Variants in DNMT3A observed in about 807,000 individuals in gnomAD.
DNMT3A encodes DNA (cytosine-5)-methyltransferase 3A.
DNMT3A carries 267 observed loss-of-function variants against 117.6 expected under a neutral mutation model. That is an observed-to-expected ratio of 2.27 (90% confidence interval 2.05 to 2.51). The LOEUF (loss-of-function observed/expected upper bound fraction) is 2.51, where lower values mean the gene tolerates loss of function less well. Ranked by LOEUF, DNMT3A falls within the 30% of genes most tolerant of loss-of-function variation. The probability of loss-of-function intolerance (pLI) is 0.00; values close to 1 mark genes in which losing one functional copy is unlikely to be tolerated. For missense variants in DNMT3A, 1,029 were observed against 1,260.2 expected, an observed-to-expected ratio of 0.82 and a Z score of 2.78; for synonymous variants, 432 against 474.8, an observed-to-expected ratio of 0.91 and a Z score of 1.17.
In DNMT3A at chr2:25,296,450, C is replaced by G. The variant is rs1239565251; in HGVS notation, c.177+3689G>C. Among the ~76,000 whole-genome samples, 1 of 152,180 alleles carries G rather than the reference C, an allele frequency of 6.6e-6. No homozygotes were observed. Among genetic ancestry groups the G allele is most frequent in the South Asian group, 2.1e-4 (1 of 4,808 alleles). ...CAGGCATAGCAGGGAAAGGAGTGGT[C>G]AGATGGTGAGGGGCTGGAATTCAGA... On this transcript the variant is annotated intron_variant, in intron 3 of 22. Transcript: ENST00000321117. The surrounding 1 kb of genome is among the most constrained non-coding windows in gnomAD (Gnocchi z 4.2).
In DNMT3A at chr2:25,311,084, G is replaced by A. The variant is rs1181158892; in HGVS notation, c.72+2829C>T. 6.6e-6 allele frequency among the ~76,000 whole-genome samples: 1 copy of A among 151,588 alleles called. No individual in the cohort carries two copies. Among genetic ancestry groups the A allele is most frequent in the African/African-American group, 2.4e-5 (1 of 41,200 alleles). On this transcript the variant is annotated intron_variant, in intron 2 of 22. Transcript: ENST00000321117. This position sits in a 1 kb window ranked among gnomAD's most constrained non-coding sequence, Gnocchi z 5.2. ...AGACCTGGAGACTCCAGGAAGTATG[G>A]GAGTGGGGCTGGAGTGAAAGGTGCA... is the stretch of plus-strand genomic sequence containing the variant.
rs2032285409 is a variant in DNMT3A, at chr2:25,286,047, C to T, written c.178-3336G>A. On this transcript the variant is annotated intron_variant, in intron 3 of 22. Transcript: ENST00000321117. The surrounding 1 kb of genome is among the most constrained non-coding windows in gnomAD (Gnocchi z 4.3). Reference sequence around the variant, plus strand: ...CTTCCTTTCTTCTCATCATTTGCTGCCCTGCAGACACCTCAGATTGGGGCA... The same window carrying T: ...CTTCCTTTCTTCTCATCATTTGCTGTCCTGCAGACACCTCAGATTGGGGCA... Among the ~76,000 whole-genome samples, 1 of 152,250 alleles carries T rather than the reference C, an allele frequency of 6.6e-6. No individual in the cohort carries two copies. Among genetic ancestry groups the T allele is most frequent in the African/African-American group, 2.4e-5 (1 of 41,474 alleles).
rs750180513 is a variant in DNMT3A, at chr2:25,306,116, C to T, written c.73-5873G>A. ...GCTTCTGCAAGAGGCAGAGCCCTGTCCTGGGTTGCCTGAGCACCAGGCTCT... is the reference window on the plus strand; with the variant it reads ...GCTTCTGCAAGAGGCAGAGCCCTGTTCTGGGTTGCCTGAGCACCAGGCTCT... On this transcript the variant is annotated intron_variant, in intron 2 of 22. Coordinates refer to ENST00000321117, the MANE Select transcript of DNMT3A (RefSeq NM_022552.5). This position sits in a 1 kb window ranked among gnomAD's most constrained non-coding sequence, Gnocchi z 4.1. 7.9e-5 allele frequency among the ~76,000 whole-genome samples: 12 copies of T among 152,228 alleles called. No individual in the cohort carries two copies. Among genetic ancestry groups the T allele is most frequent in the Non-Finnish European group, 1.8e-4 (12 of 68,042 alleles).
chr2:25,262,530 A>AT (rs1485145193), intron 6 of DNMT3A, among the ~76,000 whole-genome samples: 1 of 151,752 alleles, frequency 6.6e-6, no homozygotes, highest in East Asian at 1.9e-4. Context: ...TACCAGACAA[A>AT]TTTTTCCCTC....
chr2:25,268,582 T>G (rs768953274), intron 6 of DNMT3A, among the ~76,000 whole-genome samples: 25 of 152,096 alleles, frequency 1.6e-4, no homozygotes, highest in Non-Finnish European at 2.8e-4. Context: ...GGGAGTGCCT[T>G]CCTTTGGGAG....
intron 16 of DNMT3A, among the ~76,000 whole-genome samples, 172 bp downstream of exon 16, chr2:25,243,726 C>G (rs1383752307): frequency 6.6e-6 from 1 of 152,238 alleles, no homozygotes; most frequent in Non-Finnish European, 1.5e-5. Flanking sequence ...TTGGTCAAAT[C>G]TAAGTCCACG....
chr2:25,266,687 A>G (rs2030379127), intron 6 of DNMT3A, among the ~76,000 whole-genome samples: 1 of 152,258 alleles, frequency 6.6e-6, no homozygotes, highest in Non-Finnish European at 1.5e-5. Context: ...ACAAATGGCC[A>G]ATAAACATAG....
chr2:25,308,921 G>C (rs1038724405), intron 2 of DNMT3A, among the ~76,000 whole-genome samples: 21 of 151,920 alleles, frequency 1.4e-4, no homozygotes, highest in Non-Finnish European at 2.6e-4. Flanking sequence ...GACTTTGATG[G>C]GGAGGGGAAA....
rs2032320863 is a variant in DNMT3A, at chr2:25,286,480, C to T, written c.178-3769G>A. 6.6e-6 allele frequency among the ~76,000 whole-genome samples: 1 copy of T among 152,226 alleles called. No individual in the cohort carries two copies. Among genetic ancestry groups the T allele is most frequent in the Non-Finnish European group, 1.5e-5 (1 of 68,024 alleles). On this transcript the variant is annotated intron_variant, in intron 3 of 22. Transcript: ENST00000321117. The surrounding 1 kb of genome is among the most constrained non-coding windows in gnomAD (Gnocchi z 4.3). The stretch of plus-strand genomic sequence containing the variant: ...TGGTCCACACCATCCTCTGCCCAAC[C>T]ATCCCCTCCTGCTCACCTGCTCTCT...
intron 4 of DNMT3A, among the ~76,000 whole-genome samples, chr2:25,278,279 C>A (rs566005701): frequency 6.6e-6 from 1 of 152,288 alleles, no homozygotes; most frequent in East Asian, 1.9e-4. Flanking sequence ...TTCTAACACT[C>A]GCCTTCGAGT....
rs776334284 is a variant in DNMT3A at position 25,247,188 on chromosome 2, G to A, written c.1015-30C>T. ...GGGGACAAGCCAGGCCTTGTTTGCC[G>A]AGGCTTACACTTGCAAGCACCCACC... On this transcript the variant is annotated intron_variant, in intron 8 of 22. Transcript: ENST00000321117. This position sits in a 1 kb window ranked among gnomAD's most constrained non-coding sequence, Gnocchi z 5.6. 4.0e-5 allele frequency: 64 copies of A among 1,607,162 alleles called. No individual in the cohort carries two copies. The highest frequency in any genetic ancestry group is 1.1e-4 in the South Asian group (10 of 90,134).
At chr2:25,256,004 A>G (rs1447067686) in intron 6 of DNMT3A, among the ~76,000 whole-genome samples, 1 of 152,184 alleles carries the variant, frequency 6.6e-6, no homozygotes, top group Admixed American at 6.5e-5. Flanking sequence ...TGTTGCTGTC[A>G]TCCCACCAGG....
intron 4 of DNMT3A, among the ~76,000 whole-genome samples, chr2:25,277,387 C>T (rs2031515748): frequency 3.3e-5 from 5 of 152,162 alleles, no homozygotes; most frequent in Admixed American, 2.0e-4. Context: ...CCGGTGAGGC[C>T]CCGGGCTCCC....
At chr2:25,248,283 G>C (rs376228083) in intron 6 of DNMT3A, 31 bp from the exon 7 acceptor site, 1 of 1,608,040 alleles carries the variant, frequency 6.2e-7, no homozygotes, top group Non-Finnish European at 8.5e-7. Context: ...AAGTCACCTT[G>C]ACCTCTCCAG....
At chr2:25,278,353 C>T (rs2031626406) in intron 4 of DNMT3A, among the ~76,000 whole-genome samples, 1 of 152,220 alleles carries the variant, frequency 6.6e-6, no homozygotes, top group Non-Finnish European at 1.5e-5. Context: ...TCTCCATGAC[C>T]AGGCTGTAGC....
At chr2:25,268,248 C>A (rs1238674247) in intron 6 of DNMT3A, among the ~76,000 whole-genome samples, 1 of 152,154 alleles carries the variant, frequency 6.6e-6, no homozygotes, top group Non-Finnish European at 1.5e-5. Flanking sequence ...AGGTCGGAAG[C>A]AGGAAAGAGA....
chr2:25,297,635 C>T (rs1370487246), intron 3 of DNMT3A, among the ~76,000 whole-genome samples: 13 of 152,032 alleles, frequency 8.6e-5, no homozygotes, highest in Non-Finnish European at 1.8e-4. Flanking sequence ...CTCAGCCTCC[C>T]GAGTAACTGG....
In DNMT3A at chr2:25,240,713, TG is replaced by T. The variant is rs773340419; in HGVS notation, c.2099del (p.Pro700HisfsTer5). 6.2e-7 allele frequency: 1 copy of T among 1,614,140 alleles called. No homozygotes were observed. Among genetic ancestry groups the T allele is most frequent in the Non-Finnish European group, 8.5e-7 (1 of 1,180,012 alleles). On this transcript the variant is annotated frameshift_variant, in exon 18 of 23. Transcript: ENST00000321117. LOFTEE classifies it high-confidence loss of function. The part of the protein sequence containing the change: ...VTQKHIQEWG[P>X]FDLVIGGSPC... Reference sequence around the variant, plus strand: ...GACTGCCCCCAATCACCAGATCGAATGGGCCCCACTCCTGGATCTGGGAGGA... The same window carrying T: ...GACTGCCCCCAATCACCAGATCGAATGGCCCCACTCCTGGATCTGGGAGGA...
chr2:25,341,583 G>C (rs557015132), intron 1 of DNMT3A, among the ~76,000 whole-genome samples: 10 of 146,992 alleles, frequency 6.8e-5, no homozygotes, highest in African/African-American at 2.4e-4. Flanking sequence ...GGGACGGGAG[G>C]GGGCGCCTGC....
Sources: allele counts gnomAD v4.1 joint callset (sites outside exome capture counted in the v4.1 genomes callset), GRCh38; gene constraint gnomAD v4.1.1; non-coding constraint Gnocchi (gnomAD v3.1); transcripts MANE v1.5; gene names NCBI Gene and HGNC (gene_info 2026-07-23, HGNC 2026-07-21).